Variants in PLEKHA5 observed in about 807,000 individuals in gnomAD.
PLEKHA5 encodes the protein pleckstrin homology domain containing A5.
A neutral mutation model predicts 181.9 loss-of-function variants in PLEKHA5; 55 were observed. That is an observed-to-expected ratio of 0.30 (90% CI 0.24 to 0.38). The LOEUF is 0.38. PLEKHA5 is among the 10% of genes least tolerant of loss of function. The pLI, the probability that PLEKHA5 is intolerant of heterozygous loss-of-function variation, is 1.00. For missense variants in PLEKHA5, 1,432 were observed against 1,549.5 expected, an observed-to-expected ratio of 0.92 and a Z score of 1.27; for synonymous variants, 535 against 529.4, an observed-to-expected ratio of 1.01 and a Z score of -0.15.
intron 3 of PLEKHA5, among the ~76,000 whole-genome samples, chr12:19,218,035 AC>A (rs2058279232): frequency 6.6e-6 from 1 of 152,186 alleles, no homozygotes; most frequent in Non-Finnish European, 1.5e-5. Context: ...ATTGTTGGAT[AC>A]CATCTTGGGG....
chr12:19,247,976 A>G (rs1486553980), intron 3 of PLEKHA5, among the ~76,000 whole-genome samples: 1 of 151,694 alleles, frequency 6.6e-6, no homozygotes, highest in African/African-American at 2.4e-5. Context: ...TCTGCTGCCC[A>G]GGCTGGAGTG....
rs71064060 is a variant in PLEKHA5 at position 19,147,596 on chromosome 12, CTTTTTTT to C, written c.227+15155_227+15161del. On this transcript the variant is annotated intron_variant, in intron 3 of 31. Coordinates refer to ENST00000429027, the MANE Select transcript of PLEKHA5 (RefSeq NM_001256470.2). ...AAAGATATTTTGTAGTTTCTTTTTT[CTTTTTTT>C]TTTTTTTTGGCAAATGAATGAATTT... Among the ~76,000 whole-genome samples the C allele has an allele frequency of 2.7e-3, 368 of 137,614 alleles. 3 individuals carry two copies. Among genetic ancestry groups the C allele is most frequent in the African/African-American group, 7.7e-3 (293 of 37,902 alleles). The allele number at this position is 137,614 out of a possible 152,430, so 90.3% of individuals were successfully genotyped here. A position where few individuals can be genotyped will look rare whatever the true frequency, so the allele number is the denominator to read the frequency against.
Position 19,306,973 on chromosome 12 carries a change from C to G in PLEKHA5, c.2038-7841C>G, listed in dbSNP as rs748431023. The stretch of plus-strand genomic sequence containing the variant: ...CCTGCCTACTCCTAACCCACTTACT[C>G]AGACTGGCGCTGTTCCACCGGCTGC... On this transcript the variant is annotated intron_variant, in intron 15 of 31. Coordinates refer to ENST00000429027, the MANE Select transcript of PLEKHA5 (RefSeq NM_001256470.2). 8.9e-5 allele frequency: 123 copies of G among 1,381,586 alleles called. 1 individual carries two copies. Among genetic ancestry groups the G allele is most frequent in the Non-Finnish European group, 1.2e-4 (118 of 984,436 alleles). The allele number at this position is 1,381,586 out of a possible 1,614,324, so 85.6% of individuals were successfully genotyped here.
At chr12:19,290,936 T>A in intron 14 of PLEKHA5, 140 bp downstream of exon 14, 1 of 728,438 alleles carries the variant, frequency 1.4e-6, no homozygotes, top group Non-Finnish European at 2.1e-6. Context: ...AATCTCCTAT[T>A]AACCCTTTGA....
intron 7 of PLEKHA5, among the ~76,000 whole-genome samples, chr12:19,261,777 T>C (rs1040872919): frequency 5.9e-5 from 9 of 152,236 alleles, no homozygotes; most frequent in East Asian, 1.9e-4. Context: ...GTATAGCTTA[T>C]AAGATATAAC....
intron 23 of PLEKHA5, 143 bp from the exon 24 acceptor site, chr12:19,346,851 C>A: frequency 2.0e-6 from 1 of 508,560 alleles, no homozygotes; most frequent in Non-Finnish European, 3.3e-6. Flanking sequence ...TTTGATTTTA[C>A]TTTTCATTAT....
intron 3 of PLEKHA5, among the ~76,000 whole-genome samples, chr12:19,196,566 T>C (rs973815953): frequency 3.3e-5 from 5 of 152,202 alleles, no homozygotes; most frequent in African/African-American, 7.2e-5. Flanking sequence ...ACTGGCAAAG[T>C]AGAAAAAGCA....
chr12:19,290,805 T>C lies in PLEKHA5; in HGVS notation c.1983+9T>C. ...AGGCCCACAGCCCAAAGGTCAGCTA[T>C]GGAGAGATTTGTCTGTGTCGTCTGC... On this transcript the variant is annotated intron_variant, in intron 14 of 31. Transcript: ENST00000429027. The C allele has an allele frequency of 7.9e-6, 12 of 1,523,822 alleles. No homozygotes were observed. Among genetic ancestry groups the C allele is most frequent in the Non-Finnish European group, 1.1e-5 (12 of 1,138,998 alleles). 94.4% of individuals were successfully genotyped at this position (1,523,822 alleles called of 1,614,324 possible).
intron 3 of PLEKHA5, among the ~76,000 whole-genome samples, chr12:19,198,755 G>GA (rs3056416): frequency 1 from 151,766 of 152,144 alleles, 75,696 homozygotes; most frequent in Middle Eastern, 1. Context: ...GGCAGAGTGG[G>GA]AAAAAAAGTG....
intron 3 of PLEKHA5, among the ~76,000 whole-genome samples, chr12:19,184,852 T>C (rs1029851212): frequency 6.6e-6 from 1 of 152,132 alleles, no homozygotes; most frequent in African/African-American, 2.4e-5. Flanking sequence ...CACTGGGGAA[T>C]ACCTATAAAA....
At chr12:19,161,813 A>G (rs973983577) in intron 3 of PLEKHA5, among the ~76,000 whole-genome samples, 5 of 152,212 alleles carry the variant, frequency 3.3e-5, no homozygotes, top group African/African-American at 1.2e-4. Context: ...TTGAAAGAAG[A>G]GGATTTACTA....
intron 3 of PLEKHA5, among the ~76,000 whole-genome samples, chr12:19,140,230 C>A (rs962914698): frequency 6.6e-6 from 1 of 152,148 alleles, no homozygotes; most frequent in African/African-American, 2.4e-5. Flanking sequence ...TGTTAGACTA[C>A]ACATAAATCC....
At chr12:19,314,345 A>G (rs1180129023) in intron 15 of PLEKHA5, among the ~76,000 whole-genome samples, 1 of 152,158 alleles carries the variant, frequency 6.6e-6, no homozygotes, top group Non-Finnish European at 1.5e-5. Context: ...TAAGTGACAC[A>G]TTCAGTATAT....
At chr12:19,231,577 T>A in intron 3 of PLEKHA5, among the ~76,000 whole-genome samples, 2 of 132,206 alleles carry the variant, frequency 1.5e-5, no homozygotes, top group Non-Finnish European at 3.1e-5. Context: ...CATATATATG[T>A]ATATATATTT....
In PLEKHA5 at chr12:19,155,409, C is replaced by T. The variant is rs763002149; in HGVS notation, c.227+22959C>T. ...AAAGCTAGATTTTTCTATTAAGTCC[C>T]GAAACCTTGTTTTTTCTTCACGTCC... On this transcript the variant is annotated intron_variant, in intron 3 of 31. Transcript: ENST00000429027. Among the ~76,000 whole-genome samples, 11 of 152,240 alleles carry T rather than the reference C, an allele frequency of 7.2e-5. No homozygotes were observed. The South Asian group carries it at 8.3e-4, about 11-fold the overall frequency.
chr12:19,159,964 T>C (rs747043145), intron 3 of PLEKHA5, among the ~76,000 whole-genome samples: 24 of 152,164 alleles, frequency 1.6e-4, no homozygotes, highest in Non-Finnish European at 2.5e-4. Flanking sequence ...CAGATGACAA[T>C]TTTGTGGATG....
At position 19,129,777 on chromosome 12, in the gene PLEKHA5, G is replaced by A. The variant is rs1246094881; in HGVS notation, c.-23G>A. 1.3e-6 allele frequency: 2 copies of A among 1,570,298 alleles called. No individual in the cohort carries two copies. Among genetic ancestry groups the A allele is most frequent in the African/African-American group, 1.4e-5 (1 of 71,842 alleles). ...GCCGCGGCGGCAGCAGGAGAAGGCG[G>A]CGGCGGCGGCTAGGGATCAGACATG... is the stretch of plus-strand genomic sequence containing the variant. On this transcript the variant is annotated 5_prime_UTR_variant, in exon 1 of 32. Coordinates refer to ENST00000429027, the MANE Select transcript of PLEKHA5 (RefSeq NM_001256470.2).
chr12:19,339,121 A>C (rs903587438), intron 21 of PLEKHA5, among the ~76,000 whole-genome samples: 3 of 150,106 alleles, frequency 2.0e-5, no homozygotes, highest in Non-Finnish European at 3.0e-5. Context: ...GCTCACTGCA[A>C]CCTCCGCCTC....
Position 19,274,926 on chromosome 12 carries a change from A to G in PLEKHA5, c.1256A>G (p.Gln419Arg). The change falls in exon 11 of 32, where the codon CAG becomes CGG. Residue 419 changes from glutamine to arginine, a missense_variant. Transcript: ENST00000429027. ...ATACAGAGAACAAATTCAATGCAGCAGTTGGAACAGTGGATTAAAATCCAG... is the reference window on the plus strand; with the variant it reads ...ATACAGAGAACAAATTCAATGCAGCGGTTGGAACAGTGGATTAAAATCCAG... ...RVIQRTNSMQ[Q>R]LEQWIKIQKG... The G allele has an allele frequency of 6.2e-7, 1 of 1,613,432 alleles. No individual in the cohort carries two copies.
Sources: allele counts gnomAD v4.1 joint callset (sites outside exome capture counted in the v4.1 genomes callset), GRCh38; gene constraint gnomAD v4.1.1; transcripts MANE v1.5; gene names NCBI Gene and HGNC (gene_info 2026-07-23, HGNC 2026-07-21).